The following VGLL4 variants were observed in gnomAD, a reference collection of about 807,000 sequenced individuals.
VGLL4 encodes vestigial like family member 4.
A neutral mutation model predicts 21.0 loss-of-function variants in VGLL4; 7 were observed. The observed-to-expected ratio is 0.33, with a 90% CI of 0.19 to 0.63. The LOEUF is 0.63. Ranked by LOEUF, VGLL4 falls within the 20% of genes least tolerant of loss-of-function variation. VGLL4 has a pLI of 0.78. For synonymous variants in VGLL4, 222 were observed against 173.2 expected (o/e 1.28, Z -2.21); for missense variants, 394 against 425.7 (o/e 0.93, Z 0.66).
intron 1 of VGLL4, among the ~76,000 whole-genome samples, chr3:11,621,867 C>T (rs1389017864): frequency 1.3e-5 from 2 of 152,190 alleles, no homozygotes; most frequent in Non-Finnish European, 2.9e-5. Context: ...AGTAGGCAGA[C>T]CTCACTGTGG....
At chr3:11,639,468 G>A (rs889345607) in intron 1 of VGLL4, among the ~76,000 whole-genome samples, 1 of 152,278 alleles carries the variant, frequency 6.6e-6, no homozygotes, top group Non-Finnish European at 1.5e-5. Flanking sequence ...GCAAGGAGAA[G>A]TGGGAGAGGC....
At chr3:11,602,907 C>G (rs892412473) in intron 1 of VGLL4, among the ~76,000 whole-genome samples, 1 of 152,176 alleles carries the variant, frequency 6.6e-6, no homozygotes, top group Admixed American at 6.5e-5. Flanking sequence ...TTCAAACTTT[C>G]TAAGTCACAT....
chr3:11,565,129 A>G lies in VGLL4; in HGVS notation c.273-110T>C. On this transcript the variant is annotated intron_variant, in intron 2 of 4. Transcript: ENST00000430365. This position sits in a 1 kb window ranked among gnomAD's most constrained non-coding sequence, Gnocchi z 4.1. ...TATTTAATTTTTTACCCTGAAGCTC[A>G]GGTCGTGTGGCTGGGCAGCACGATG... 3 of 1,114,074 alleles carry G rather than the reference A, an allele frequency of 2.7e-6. No homozygotes were observed. The highest frequency in any genetic ancestry group is 2.4e-6 in the Non-Finnish European group (2 of 845,636). The allele number at this position is 1,114,074 out of a possible 1,614,324, so 69.0% of individuals were successfully genotyped here.
intron 1 of VGLL4, among the ~76,000 whole-genome samples, chr3:11,628,310 C>A (rs1417828540): frequency 1.3e-5 from 2 of 151,830 alleles, no homozygotes; most frequent in African/African-American, 4.8e-5. Flanking sequence ...ATGGCTTGAA[C>A]CCGGGAGGCA....
At chr3:11,681,296 A>T (rs1347508993) in intron 2 of VGLL4, among the ~76,000 whole-genome samples, 1 of 152,120 alleles carries the variant, frequency 6.6e-6, no homozygotes, top group Non-Finnish European at 1.5e-5. Flanking sequence ...ACGGGGTTTC[A>T]CCATGTTCGG....
intron 1 of VGLL4, among the ~76,000 whole-genome samples, chr3:11,635,651 T>C (rs2075572073): frequency 6.6e-6 from 1 of 152,232 alleles, no homozygotes; most frequent in Non-Finnish European, 1.5e-5. Context: ...CCTTGTTCCC[T>C]ACCAGTATCA....
At chr3:11,649,329 CAT>C (rs1004753284) in intron 2 of VGLL4, among the ~76,000 whole-genome samples, 6 of 151,152 alleles carry the variant, frequency 4.0e-5, no homozygotes, top group African/African-American at 7.4e-5. Context: ...TGAAAACATA[CAT>C]ATATATATAG....
intron 2 of VGLL4, among the ~76,000 whole-genome samples, chr3:11,586,364 G>C (rs568866902): frequency 6.6e-6 from 1 of 152,054 alleles, no homozygotes; most frequent in Non-Finnish European, 1.5e-5. Context: ...GTGCAGGAAG[G>C]ATAGAAAGAG....
At chr3:11,598,649 C>G (rs544901761) in intron 2 of VGLL4, among the ~76,000 whole-genome samples, 12 of 152,078 alleles carry the variant, frequency 7.9e-5, no homozygotes, top group African/African-American at 2.9e-4. Context: ...TCCACCAGGC[C>G]AAGCTAATTT....
intron 1 of VGLL4, among the ~76,000 whole-genome samples, chr3:11,717,047 C>A (rs532778872): frequency 6.6e-6 from 1 of 152,218 alleles, no homozygotes; most frequent in South Asian, 2.1e-4. Context: ...TAAGCAGACA[C>A]ATTGGTATGT....
chr3:11,585,054 G>A (rs187768082), intron 2 of VGLL4, among the ~76,000 whole-genome samples: 1 of 152,044 alleles, frequency 6.6e-6, no homozygotes, highest in Non-Finnish European at 1.5e-5. Context: ...AAAATCCCAA[G>A]AACACTTTTT....
chr3:11,715,646 T>C (rs1424659424), intron 1 of VGLL4, among the ~76,000 whole-genome samples: 2 of 152,168 alleles, frequency 1.3e-5, no homozygotes, highest in Non-Finnish European at 2.9e-5. Context: ...GTTCTTGTTA[T>C]TCATAGTAGT....
intron 2 of VGLL4, among the ~76,000 whole-genome samples, chr3:11,676,378 G>A (rs2076289251): frequency 6.7e-6 from 1 of 148,706 alleles, no homozygotes; most frequent in African/African-American, 2.5e-5. Flanking sequence ...CTGGGTGACA[G>A]AGCGAGACTC....
intron 2 of VGLL4, among the ~76,000 whole-genome samples, chr3:11,586,842 C>A (rs146875108): frequency 6.6e-6 from 1 of 152,086 alleles, no homozygotes; most frequent in Non-Finnish European, 1.5e-5. Context: ...GAGGAGCCTG[C>A]GTGATGGAGA....
intron 2 of VGLL4, among the ~76,000 whole-genome samples, chr3:11,657,227 T>C (rs1048710775): frequency 3.3e-5 from 5 of 152,114 alleles, no homozygotes; most frequent in Non-Finnish European, 7.4e-5. Context: ...AGGACTCCGA[T>C]CATTCCTCTT....
At chr3:11,619,872 G>A in intron 1 of VGLL4, among the ~76,000 whole-genome samples, 1 of 152,102 alleles carries the variant, frequency 6.6e-6, no homozygotes, top group East Asian at 1.9e-4. Context: ...GAACCAACAT[G>A]CATCTAATCT....
At position 11,564,398 on chromosome 3, in the gene VGLL4, A is replaced by G. The variant is rs573487022; in HGVS notation, c.495+399T>C. 3.5e-4 allele frequency among the ~76,000 whole-genome samples: 28 copies of G among 80,512 alleles called. No homozygotes were observed. In the East Asian group the frequency reaches 0.011, roughly 33 times the overall value. The allele number at this position is 80,512 out of a possible 152,430, so 52.8% of individuals were successfully genotyped here. ...ATCCGCGTGACCGTCTAAAGGAGAA[A>G]CGTAGGACCCCCCCACCCGAGGATG... On this transcript the variant is annotated intron_variant, in intron 3 of 4. Coordinates refer to ENST00000430365, the MANE Select transcript of VGLL4 (RefSeq NM_001128219.3).
At chr3:11,678,554 T>G (rs1015925102) in intron 2 of VGLL4, among the ~76,000 whole-genome samples, 7 of 152,226 alleles carry the variant, frequency 4.6e-5, no homozygotes, top group Non-Finnish European at 1.0e-4. Context: ...TAGCATTTCA[T>G]CCTAACCCAG....
intron 2 of VGLL4, chr3:11,582,246 A>G: frequency 6.2e-7 from 1 of 1,600,034 alleles, no homozygotes; most frequent in South Asian, 1.1e-5. Flanking sequence ...TTGAAAAAGC[A>G]AGGATAAGGG....
Sources: gnomAD v4.1 joint callset for allele counts (sites outside exome capture counted in the v4.1 genomes callset) on GRCh38, gnomAD v4.1.1 for gene constraint, Gnocchi (gnomAD v3.1) non-coding constraint, MANE v1.5 for transcripts, NCBI Gene and HGNC (gene_info 2026-07-23, HGNC 2026-07-21) for gene names.